The following DRC8 variants were observed in gnomAD, a reference collection of about 807,000 sequenced individuals.
DRC8 encodes dynein regulatory complex protein 8.
the DRC8 span, among the ~76,000 whole-genome samples, chr1:245,001,622 T>C: frequency 6.6e-6 from 1 of 152,210 alleles, no homozygotes; most frequent in African/African-American, 2.4e-5. Flanking sequence ...CTCCTGATCC[T>C]TGACTTTACC....
At chr1:244,975,781 A>G in the DRC8 span, among the ~76,000 whole-genome samples, 1 of 151,998 alleles carries the variant, frequency 6.6e-6, no homozygotes, top group Admixed American at 6.6e-5. Context: ...AATCGCTTGA[A>G]CCCAGGAGGT....
chr1:245,008,629 C>T, the DRC8 span, among the ~76,000 whole-genome samples: 1 of 151,218 alleles, frequency 6.6e-6, no homozygotes, highest in Non-Finnish European at 1.5e-5. Context: ...AACTAGGCCC[C>T]TACCTATCTC....
At chr1:244,995,515 T>C in the DRC8 span, among the ~76,000 whole-genome samples, 8 of 152,180 alleles carry the variant, frequency 5.3e-5, no homozygotes, top group African/African-American at 1.9e-4. Context: ...TGTGCCACTG[T>C]GCCTCACTAT....
the DRC8 span, among the ~76,000 whole-genome samples, chr1:245,018,432 TC>T: frequency 6.6e-6 from 1 of 152,016 alleles, no homozygotes; most frequent in Non-Finnish European, 1.5e-5. Flanking sequence ...ACCATACAGC[TC>T]CGGTGGCTGT....
At chr1:245,065,734 C>A in the DRC8 span, among the ~76,000 whole-genome samples, 50,002 of 151,436 alleles carry the variant, frequency 0.33, 8,700 homozygotes, top group Middle Eastern at 0.4. Flanking sequence ...ACTGGGTAAT[C>A]TGGGAATCAC....
the DRC8 span, among the ~76,000 whole-genome samples, chr1:245,084,590 G>C: frequency 1.3e-5 from 2 of 152,112 alleles, no homozygotes; most frequent in African/African-American, 4.8e-5. Context: ...AGGCTGATGT[G>C]TAAATTTGTT....
the DRC8 span, among the ~76,000 whole-genome samples, chr1:244,980,772 A>G: frequency 2.0e-5 from 3 of 152,234 alleles, no homozygotes; most frequent in African/African-American, 4.8e-5. Flanking sequence ...CTTGGTACCT[A>G]AATATCTGTT....
the DRC8 span, chr1:245,023,123 C>T: frequency 2.6e-5 from 4 of 152,186 alleles, no homozygotes; most frequent in African/African-American, 9.6e-5. Context: ...TTTTAAAATA[C>T]AAACAAACAA....
the DRC8 span, among the ~76,000 whole-genome samples, chr1:245,099,685 T>G: frequency 6.6e-6 from 1 of 152,244 alleles, no homozygotes; most frequent in African/African-American, 2.4e-5. Flanking sequence ...CGCTGATCGC[T>G]TGAGGGGGTG....
the DRC8 span, among the ~76,000 whole-genome samples, chr1:245,075,782 A>G: frequency 1.6e-4 from 25 of 152,226 alleles, no homozygotes; most frequent in African/African-American, 5.3e-4. Context: ...GAAGAAACAA[A>G]CTAGACTTAA....
the DRC8 span, chr1:245,023,041 A>G: frequency 6.6e-6 from 1 of 152,206 alleles, no homozygotes; most frequent in Non-Finnish European, 1.5e-5. Context: ...CACATATACT[A>G]AAATTGGAAC....
chr1:244,973,287 A>G, the DRC8 span, among the ~76,000 whole-genome samples: 2 of 152,242 alleles, frequency 1.3e-5, no homozygotes, highest in African/African-American at 4.8e-5. Flanking sequence ...TTTGTATTTC[A>G]GAAGTCATTT....
At chr1:245,101,410 T>C in the DRC8 span, among the ~76,000 whole-genome samples, 7 of 152,202 alleles carry the variant, frequency 4.6e-5, no homozygotes, top group Non-Finnish European at 7.3e-5. Flanking sequence ...CAGGTTTGAT[T>C]TGGCGGGACC....
At chr1:245,017,165 C>T in the DRC8 span, 1 of 1,352,174 alleles carries the variant, frequency 7.4e-7, no homozygotes, top group Non-Finnish European at 1.0e-6. Context: ...ATTAAGATTG[C>T]TAGTCTGGTT....
chr1:245,032,019 C>G, the DRC8 span, among the ~76,000 whole-genome samples: 1 of 152,252 alleles, frequency 6.6e-6, no homozygotes, highest in South Asian at 2.1e-4. Flanking sequence ...ATGCACAGAG[C>G]AAGTAAACTC....
chr1:245,113,209 C>T, the DRC8 span, among the ~76,000 whole-genome samples: 4 of 152,148 alleles, frequency 2.6e-5, no homozygotes, highest in African/African-American at 4.8e-5. Flanking sequence ...AGCTTATCAC[C>T]GTGTCTTACA....
the DRC8 span, among the ~76,000 whole-genome samples, chr1:244,993,178 A>T: frequency 7.9e-5 from 12 of 152,320 alleles, no homozygotes; most frequent in South Asian, 2.5e-3. Context: ...GGTGACATAA[A>T]CTAACCCTAT....
chr1:245,056,254 C>T, the DRC8 span, among the ~76,000 whole-genome samples: 1 of 152,140 alleles, frequency 6.6e-6, no homozygotes, highest in Non-Finnish European at 1.5e-5. Context: ...ACTCAAGTAC[C>T]GTATGTGAGA....
the DRC8 span, chr1:245,086,763 C>T: frequency 1.9e-6 from 1 of 533,510 alleles, no homozygotes; most frequent in Non-Finnish European, 3.8e-6. Flanking sequence ...ATTCTAGAGA[C>T]AGGTAAGCTA....
Sources: gnomAD v4.1 joint callset for allele counts (sites outside exome capture counted in the v4.1 genomes callset) on GRCh38, gnomAD v4.1.1 for gene constraint, MANE v1.5 for transcripts, NCBI Gene and HGNC (gene_info 2026-07-23, HGNC 2026-07-21) for gene names.